Variants in CNTN4 observed in about 807,000 individuals in gnomAD.
CNTN4 encodes the protein contactin-4.
In CNTN4, 77 loss-of-function variants were observed where a neutral mutation model predicts 122.5. That is an observed-to-expected ratio of 0.63 (90% CI 0.52 to 0.76). The LOEUF (loss-of-function observed/expected upper bound fraction) is 0.76. Among genes scored for constraint, CNTN4 ranks in the 30% least tolerant of loss-of-function variants. CNTN4 has a pLI of 0.00. For missense variants in CNTN4, 1,256 were observed against 1,259.1 expected, an observed-to-expected ratio of 1.00 and a Z score of 0.04; for synonymous variants, 512 against 447.0, an observed-to-expected ratio of 1.15 and a Z score of -1.83.
At chr3:2,541,338 A>G (rs1046070153) in intron 3 of CNTN4, among the ~76,000 whole-genome samples, 1 of 152,102 alleles carries the variant, frequency 6.6e-6, no homozygotes, top group African/African-American at 2.4e-5. Context: ...TAAAGCATAT[A>G]GTCGTTTATG....
At chr3:2,983,377 G>A (rs1381891638) in intron 13 of CNTN4, among the ~76,000 whole-genome samples, 1 of 151,844 alleles carries the variant, frequency 6.6e-6, no homozygotes, top group Non-Finnish European at 1.5e-5. Flanking sequence ...ATCATAATGT[G>A]TTGTAGGACT....
chr3:2,125,858 C>T (rs2034114811), intron 2 of CNTN4, among the ~76,000 whole-genome samples: 2 of 150,330 alleles, frequency 1.3e-5, no homozygotes, highest in South Asian at 4.2e-4. Flanking sequence ...ACCAGGCCTT[C>T]TATGAAGATT....
intron 4 of CNTN4, among the ~76,000 whole-genome samples, chr3:2,576,599 G>A (rs1338247391): frequency 1.4e-5 from 2 of 146,228 alleles, no homozygotes; most frequent in Non-Finnish European, 3.0e-5. Context: ...CCAGGCTGAA[G>A]TGCAGTGGCA....
At chr3:2,488,298 A>G (rs1486673752) in intron 3 of CNTN4, among the ~76,000 whole-genome samples, 2 of 152,176 alleles carry the variant, frequency 1.3e-5, no homozygotes, top group Non-Finnish European at 2.9e-5. Context: ...AGGGGAAAAA[A>G]TCCATTCCTA....
chr3:2,319,629 T>C (rs2043215735), intron 2 of CNTN4, among the ~76,000 whole-genome samples: 2 of 152,188 alleles, frequency 1.3e-5, no homozygotes, highest in Admixed American at 1.3e-4. Context: ...ATTTTCTTAA[T>C]AACATTTCTT....
chr3:2,437,849 T>C (rs961072345), intron 3 of CNTN4, among the ~76,000 whole-genome samples: 1 of 152,176 alleles, frequency 6.6e-6, no homozygotes, highest in African/African-American at 2.4e-5. Context: ...AGAGTTCGTG[T>C]AGATGTCTGG....
At chr3:2,696,148 A>G (rs2086021185) in intron 4 of CNTN4, among the ~76,000 whole-genome samples, 1 of 152,216 alleles carries the variant, frequency 6.6e-6, no homozygotes, top group African/African-American at 2.4e-5. Flanking sequence ...ACGGCCAAGG[A>G]CTTTATTCAG....
At chr3:2,285,079 T>C (rs985473480) in intron 2 of CNTN4, among the ~76,000 whole-genome samples, 2 of 152,000 alleles carry the variant, frequency 1.3e-5, no homozygotes, top group African/African-American at 4.8e-5. Flanking sequence ...GAATGAGGAC[T>C]GCTCAGTCTG....
chr3:3,051,909 C>A (rs1460471562), intron 23 of CNTN4, among the ~76,000 whole-genome samples: 1 of 152,190 alleles, frequency 6.6e-6, no homozygotes, highest in East Asian at 1.9e-4. Context: ...ATGAGCTAAT[C>A]TCGTGCTTCT....
At position 3,057,432 on chromosome 3, in the gene CNTN4, A is replaced by C. The variant is rs182863470; in HGVS notation, c.*1212A>C. 6.5e-6 allele frequency: 1 copy of C among 152,742 alleles called. No homozygotes were observed. Among genetic ancestry groups the C allele is most frequent in the East Asian group, 1.9e-4 (1 of 5,186 alleles). The allele number at this position is 152,742 out of a possible 1,614,324, so 9.5% of individuals were successfully genotyped here. On this transcript the variant is annotated 3_prime_UTR_variant, in exon 25 of 25. Coordinates refer to ENST00000418658, the MANE Select transcript of CNTN4 (RefSeq NM_175607.3). ...TAGGTCTTAAAATCACACATTGGAA[A>C]ATGACAATATCAACAAAACTGTATT...
chr3:2,851,139 T>G (rs1052934184), intron 7 of CNTN4, among the ~76,000 whole-genome samples: 8 of 152,252 alleles, frequency 5.3e-5, no homozygotes, highest in African/African-American at 1.7e-4. Context: ...AACACTTATT[T>G]GCATCCACAT....
intron 3 of CNTN4, among the ~76,000 whole-genome samples, chr3:2,369,318 G>C (rs2045539513): frequency 6.6e-6 from 1 of 152,160 alleles, no homozygotes; most frequent in Admixed American, 6.6e-5. Context: ...TCACAAAACA[G>C]GTGAGAGTAG....
intron 4 of CNTN4, among the ~76,000 whole-genome samples, chr3:2,682,622 T>C (rs1212526034): frequency 1.3e-5 from 2 of 152,052 alleles, no homozygotes; most frequent in Non-Finnish European, 2.9e-5. Context: ...ATAAAGTATA[T>C]ATAGAAAATG....
intron 4 of CNTN4, among the ~76,000 whole-genome samples, chr3:2,607,543 G>A (rs907391811): frequency 5.4e-5 from 8 of 147,260 alleles, no homozygotes; most frequent in African/African-American, 9.9e-5. Context: ...ATATAAAAAC[G>A]TAATGTAATG....
intron 2 of CNTN4, among the ~76,000 whole-genome samples, chr3:2,244,830 A>G (rs1467946383): frequency 1.3e-5 from 2 of 152,072 alleles, no homozygotes; most frequent in African/African-American, 2.4e-5. Context: ...CGATTGCTCA[A>G]GGGCTTGTGC....
At chr3:2,373,867 A>T (rs934671392) in intron 3 of CNTN4, among the ~76,000 whole-genome samples, 2 of 152,240 alleles carry the variant, frequency 1.3e-5, no homozygotes, top group African/African-American at 4.8e-5. Context: ...AGATGCAATT[A>T]TTGGAAATTC....
chr3:2,736,341 G>T lies in CNTN4; in HGVS notation c.182G>T (p.Arg61Met). 1 of 1,613,014 alleles carries T rather than the reference G, an allele frequency of 6.2e-7. No homozygotes were observed. Among genetic ancestry groups the T allele is most frequent in the South Asian group, 1.1e-5 (1 of 91,024 alleles). ...EVKGNPKPHI[R>M]WKLNGTDVDT... is the part of the protein sequence containing the mutation. ...AAAGGAAATCCAAAACCTCATATCA[G>T]GTTTGTTGATGTAAAAGCATGTGTT... is the stretch of plus-strand genomic sequence containing the variant. The change falls in exon 5 of 25, where the codon AGG becomes ATG. Residue 61 changes from arginine to methionine, a missense_variant and splice_region_variant. Arg to Met is a moderately conservative substitution (Grantham distance 91). Transcript: ENST00000418658.
rs570076751 is a variant in CNTN4, at chr3:2,556,922, A to T, written c.-88-14494A>T. ...CTAAACTTGAAAATGCTGTCTTGAAATTTGCAGCTAAGATGTAGTAAAAGA... is the reference window on the plus strand; with the variant it reads ...CTAAACTTGAAAATGCTGTCTTGAATTTTGCAGCTAAGATGTAGTAAAAGA... On this transcript the variant is annotated intron_variant, in intron 3 of 24. Coordinates refer to ENST00000418658, the MANE Select transcript of CNTN4 (RefSeq NM_175607.3). Among the ~76,000 whole-genome samples the T allele has an allele frequency of 9.1e-4, 138 of 152,278 alleles. 1 individual carries two copies. The highest frequency in any genetic ancestry group is 3.4e-3 in the Middle Eastern group (1 of 294).
chr3:2,782,465 CTGTGTGTGTGTGTG>C lies in CNTN4; in HGVS notation c.358+36806_358+36819del, dbSNP rs137927481. Among the ~76,000 whole-genome samples, 753 of 133,288 alleles carry C rather than the reference CTGTGTGTGTGTGTG, an allele frequency of 5.6e-3. 7 individuals carry two copies. The highest frequency in any genetic ancestry group is 0.014 in the African/African-American group (481 of 34,912). 87.4% of individuals were successfully genotyped at this position (133,288 alleles called of 152,430 possible). On this transcript the variant is annotated intron_variant, in intron 6 of 24. Coordinates refer to ENST00000418658, the MANE Select transcript of CNTN4 (RefSeq NM_175607.3). ...CATAACTGATTCCTACCTTCTTATTCTGTGTGTGTGTGTGTGTGTGTGTGTGTGTGTGTGTGTGT... is the reference window on the plus strand; with the variant it reads ...CATAACTGATTCCTACCTTCTTATTCTGTGTGTGTGTGTGTGTGTGTGTGT...
Sources: gnomAD v4.1 joint callset for allele counts (sites outside exome capture counted in the v4.1 genomes callset) on GRCh38, gnomAD v4.1.1 for gene constraint, MANE v1.5 for transcripts, NCBI Gene and HGNC (gene_info 2026-07-23, HGNC 2026-07-21) for gene names.